Variants in TUBA1B observed in about 807,000 individuals in gnomAD.
The protein encoded by TUBA1B is tubulin alpha-1B chain.
TUBA1B carries 1 observed loss-of-function variant against 34.4 expected under a neutral mutation model. The observed-to-expected ratio is 0.03, with a 90% confidence interval of 0.01 to 0.14. The LOEUF is 0.14. Among genes scored for constraint, TUBA1B ranks in the 10% least tolerant of loss-of-function variants. The pLI is 1.00. For synonymous variants in TUBA1B, 197 were observed against 212.5 expected (o/e 0.93, Z 0.64); for missense variants, 54 against 583.6 (o/e 0.09, Z 9.35).
rs1480489713 is a variant in TUBA1B, at chr12:49,127,838, T to A, written c.*120A>T. 3 of 1,452,080 alleles carry A rather than the reference T, an allele frequency of 2.1e-6. No individual in the cohort carries two copies. In the East Asian group the frequency reaches 6.8e-5, roughly 33 times the overall value. The allele number at this position is 1,452,080 out of a possible 1,614,324, so 89.9% of individuals were successfully genotyped here. A position where few individuals can be genotyped will look rare whatever the true frequency, so the allele number is the denominator to read the frequency against. On this transcript the variant is annotated 3_prime_UTR_variant, in exon 4 of 4. Transcript: ENST00000336023. Reference sequence around the variant, plus strand: ...GATGGAAAAATATTACAGGTACACATGGAAAAGACATGATCACCAAGTGAA... The same window carrying A: ...GATGGAAAAATATTACAGGTACACAAGGAAAAGACATGATCACCAAGTGAA...
At chr12:49,129,829 G>T in intron 1 of TUBA1B, 107 bp from the exon 2 acceptor site, 1 of 1,518,012 alleles carries the variant, frequency 6.6e-7, no homozygotes, top group Non-Finnish European at 8.8e-7. Context: ...AAGGTCTGTC[G>T]CCCAGGCTTG....
At chr12:49,129,044 C>G in intron 3 of TUBA1B, 106 bp from the exon 4 acceptor site, 1 of 1,519,222 alleles carries the variant, frequency 6.6e-7, no homozygotes, top group South Asian at 1.3e-5. Context: ...GATGTAAGCA[C>G]AAGGAATTGG....
chr12:49,130,128 C>T, intron 1 of TUBA1B: 1 of 1,200,340 alleles, frequency 8.3e-7, no homozygotes, highest in Non-Finnish European at 1.1e-6. Flanking sequence ...CCTTCCCATC[C>T]TAAACCGGGA....
rs12318907 is a variant in TUBA1B at position 49,131,205 on chromosome 12, G to A, written c.3+93C>T. ...CTCCAAACGGACGGCTCTGAGGCCA[G>A]CCCTTCCCGGCTGTATACAGGGCCC... is the stretch of plus-strand genomic sequence containing the variant. On this transcript the variant is annotated intron_variant, in intron 1 of 3. Coordinates refer to ENST00000336023, the MANE Select transcript of TUBA1B (RefSeq NM_006082.3). The A allele has an allele frequency of 6.2e-3, 9,240 of 1,501,476 alleles. 483 individuals are homozygous for A. In the African/African-American group the frequency reaches 0.11, roughly 18 times the overall value. 93.0% of individuals were successfully genotyped at this position (1,501,476 alleles called of 1,614,324 possible). A position where few individuals can be genotyped will look rare whatever the true frequency, so the allele number is the denominator to read the frequency against.
chr12:49,130,396 G>A, intron 1 of TUBA1B: 2 of 1,280,760 alleles, frequency 1.6e-6, no homozygotes, highest in African/African-American at 1.5e-5. Flanking sequence ...TGCGCCCCCC[G>A]GCGGTGCTGC....
At chr12:49,130,166 A>T in intron 1 of TUBA1B, 2 of 1,230,242 alleles carry the variant, frequency 1.6e-6, no homozygotes, top group Non-Finnish European at 1.0e-6. Context: ...AAGACAGCTC[A>T]GTCACAGCTT....
chr12:49,129,858 A>G, intron 1 of TUBA1B, 136 bp from the exon 2 acceptor site: 6 of 1,402,924 alleles, frequency 4.3e-6, no homozygotes, highest in Non-Finnish European at 5.8e-6. Flanking sequence ...GATGCCATCT[A>G]GGCTCACTGC....
In TUBA1B at chr12:49,127,859, G is replaced by C; in HGVS notation, c.*99C>G. On this transcript the variant is annotated 3_prime_UTR_variant, in exon 4 of 4. Coordinates refer to ENST00000336023, the MANE Select transcript of TUBA1B (RefSeq NM_006082.3). ...CACATGGAAAAGACATGATCACCAA[G>C]TGAAAACAATCTAACCAGAAAGCTT... 7.7e-6 allele frequency: 12 copies of C among 1,564,660 alleles called. No homozygotes were observed. The highest frequency in any genetic ancestry group is 8.7e-6 in the Non-Finnish European group (10 of 1,145,658).
In TUBA1B at chr12:49,131,336, C is replaced by T. The variant is rs1941806219; in HGVS notation, c.-36G>A. The T allele has an allele frequency of 6.2e-7, 1 of 1,609,704 alleles. No individual in the cohort carries two copies. Among genetic ancestry groups the T allele is most frequent in the South Asian group, 1.1e-5 (1 of 90,356 alleles). The stretch of plus-strand genomic sequence containing the variant: ...GATTAGGAGGCGAAGGCGACAGGAG[C>T]AGACACCGGGTCCCGGTTACCGTCC... On this transcript the variant is annotated 5_prime_UTR_variant, in exon 1 of 4. Transcript: ENST00000336023.
chr12:49,130,391 C>G (rs1941789119), intron 1 of TUBA1B: 1 of 1,285,130 alleles, frequency 7.8e-7, no homozygotes, highest in Admixed American at 2.3e-5. Context: ...GCTCTTGCGC[C>G]CCCCGGCGGT....
intron 1 of TUBA1B, chr12:49,130,259 C>T: frequency 1.6e-6 from 2 of 1,289,038 alleles, no homozygotes; most frequent in Non-Finnish European, 2.0e-6. Context: ...TAGGTGGTCA[C>T]ATTTCCGGGC....
intron 1 of TUBA1B, chr12:49,130,315 T>C (rs76452190): frequency 1.6e-6 from 2 of 1,289,052 alleles, no homozygotes; most frequent in East Asian, 5.6e-5. Flanking sequence ...GCAGAAGAAA[T>C]GTCTGTCCGC....
intron 3 of TUBA1B, 148 bp from the exon 4 acceptor site, chr12:49,129,086 C>T (rs570223788): frequency 2.0e-6 from 3 of 1,538,322 alleles, no homozygotes; most frequent in East Asian, 2.3e-5. Context: ...CTGTCCATAA[C>T]CTAGGGACTA....
chr12:49,128,330 G>A lies in TUBA1B; in HGVS notation c.984C>T (p.Val328=). Residue 328 remains valine, a synonymous_variant, in exon 4 of 4, where the codon GTC becomes GTT. Coordinates refer to ENST00000336023, the MANE Select transcript of TUBA1B (RefSeq NM_006082.3). The surrounding 1 kb of genome is among the most constrained non-coding windows in gnomAD (Gnocchi z 8.1). ...LYRGDVVPKD[V]NAAIATIKTK... is the part of the protein sequence containing the mutation. ...TTTTGATGGTGGCAATGGCAGCATT[G>A]ACATCTTTGGGAACCACGTCACCAC... 1.2e-6 allele frequency: 2 copies of A among 1,614,096 alleles called. No homozygotes were observed. The highest frequency in any genetic ancestry group is 3.3e-5 in the Admixed American group (2 of 60,012).
intron 1 of TUBA1B, chr12:49,130,692 G>C (rs1035203093): frequency 4.6e-6 from 1 of 218,676 alleles, no homozygotes; most frequent in Non-Finnish European, 9.7e-6. Flanking sequence ...TACATTGACA[G>C]GGAGCTCTTC....
intron 1 of TUBA1B, chr12:49,130,427 T>C: frequency 2.5e-6 from 3 of 1,181,774 alleles, no homozygotes; most frequent in Non-Finnish European, 3.4e-6. Flanking sequence ...AATGGCCACG[T>C]CTGCAAAGGC....
chr12:49,127,982 A>T lies in TUBA1B; in HGVS notation c.1332T>A (p.Gly444=). The T allele has an allele frequency of 6.2e-7, 1 of 1,613,940 alleles. No homozygotes were observed. Among genetic ancestry groups the T allele is most frequent in the Non-Finnish European group, 8.5e-7 (1 of 1,179,968 alleles). Residue 444 remains glycine, a synonymous_variant, in exon 4 of 4, where the codon GGT becomes GGA. Transcript: ENST00000336023. ...ATTAGTATTCCTCTCCTTCTTCCTC[A>T]CCCTCTCCTTCAACAGAATCCACAC... is the stretch of plus-strand genomic sequence containing the variant. ...EVGVDSVEGE[G]EEEGEEY is the part of the protein sequence containing the mutation.
rs1243594079 is a variant in TUBA1B at position 49,129,257 on chromosome 12, G to A, written c.360C>T (p.Asp120=). 6.2e-7 allele frequency: 1 copy of A among 1,614,028 alleles called. No homozygotes were observed. The highest frequency in any genetic ancestry group is 2.2e-5 in the East Asian group (1 of 44,882). Residue 120 remains aspartate (D), a synonymous_variant, in exon 3 of 4, where the codon GAC becomes GAT. Transcript: ENST00000336023. ...IGKEIIDLVL[D]RIRKLADQCT... ...TGGTGCTTACCAGCTTGCGAATTCGGTCCAACACAAGGTCAATGATCTCCT... is the reference window on the plus strand; with the variant it reads ...TGGTGCTTACCAGCTTGCGAATTCGATCCAACACAAGGTCAATGATCTCCT...
intron 1 of TUBA1B, chr12:49,130,156 A>G (rs1160877252): frequency 1.9e-5 from 23 of 1,221,276 alleles, no homozygotes; most frequent in Non-Finnish European, 2.4e-5. Context: ...CTTCCAGACC[A>G]AGACAGCTCA....
Sources: gnomAD v4.1 joint callset for allele counts on GRCh38, gnomAD v4.1.1 for gene constraint, Gnocchi (gnomAD v3.1) non-coding constraint, MANE v1.5 for transcripts, NCBI Gene and HGNC (gene_info 2026-07-23, HGNC 2026-07-21) for gene names.